Variants in PTPRN2 observed in about 807,000 individuals in gnomAD.
The protein encoded by PTPRN2 is protein tyrosine phosphatase receptor type N2.
Under a neutral mutation model 118.8 loss-of-function variants are expected in PTPRN2, and 74 were observed. The observed-to-expected ratio is 0.62, with a 90% confidence interval of 0.52 to 0.76. PTPRN2 has a LOEUF of 0.76. PTPRN2 is among the 30% of genes least tolerant of loss of function. PTPRN2 has a pLI of 0.00. For synonymous variants in PTPRN2, 641 were observed against 608.0 expected (o/e 1.05, Z -0.80); for missense variants, 1,481 against 1,394.4 (o/e 1.06, Z -0.99).
intron 12 of PTPRN2, among the ~76,000 whole-genome samples, chr7:157,822,096 A>G (rs373069157): frequency 6.6e-6 from 1 of 151,102 alleles, no homozygotes; most frequent in Non-Finnish European, 1.5e-5. Flanking sequence ...AATCACCCAT[A>G]CACTCATCCA....
chr7:158,296,341 G>A (rs574081778), intron 3 of PTPRN2, among the ~76,000 whole-genome samples: 9 of 152,128 alleles, frequency 5.9e-5, no homozygotes, highest in Non-Finnish European at 7.4e-5. Flanking sequence ...TGAGCGGCCC[G>A]ACTCCAGGGG....
chr7:157,613,939 C>T, intron 15 of PTPRN2: 1 of 450,862 alleles, frequency 2.2e-6, no homozygotes, highest in Non-Finnish European at 4.6e-6. Context: ...GCCACATGGC[C>T]AGGGGCGACC....
intron 12 of PTPRN2, among the ~76,000 whole-genome samples, chr7:157,746,076 CCA>C (rs1800912376): frequency 2.0e-5 from 3 of 150,412 alleles, no homozygotes; most frequent in Non-Finnish European, 4.4e-5. Flanking sequence ...TCCCTACACC[CCA>C]CAGTCCTCCC....
At chr7:158,493,879 G>A (rs898556975) in intron 1 of PTPRN2, among the ~76,000 whole-genome samples, 2 of 152,034 alleles carry the variant, frequency 1.3e-5, no homozygotes, top group Admixed American at 6.5e-5. Context: ...CTGCAGACAC[G>A]TACACATATG....
chr7:158,338,520 G>A (rs1586363239), intron 2 of PTPRN2, among the ~76,000 whole-genome samples: 3 of 100,180 alleles, frequency 3.0e-5, no homozygotes. Context: ...GATGCCTGCA[G>A]ACGTCACTCA....
intron 12 of PTPRN2, among the ~76,000 whole-genome samples, chr7:157,703,799 G>A (rs1798196817): frequency 6.6e-6 from 1 of 152,182 alleles, no homozygotes; most frequent in Non-Finnish European, 1.5e-5. Context: ...GGCAGGTCAG[G>A]AGGCCCGGAA....
chr7:158,499,119 C>A (rs1292904096), intron 1 of PTPRN2, among the ~76,000 whole-genome samples: 1 of 152,192 alleles, frequency 6.6e-6, no homozygotes, highest in Non-Finnish European at 1.5e-5. Flanking sequence ...AACAAAAAGA[C>A]CTTATCATCT....
chr7:157,838,717 G>A (rs866508281), intron 12 of PTPRN2, among the ~76,000 whole-genome samples: 4 of 250 alleles, frequency 0.016, no homozygotes, highest in African/African-American at 0.071. Flanking sequence ...GCTCCTCTCC[G>A]CCGTGGCTAC....
intron 12 of PTPRN2, among the ~76,000 whole-genome samples, chr7:157,758,935 C>G (rs1801973353): frequency 6.6e-6 from 1 of 152,244 alleles, no homozygotes; most frequent in South Asian, 2.1e-4. Context: ...CCAGCCACGT[C>G]AGGCCATTGC....
intron 11 of PTPRN2, among the ~76,000 whole-genome samples, chr7:158,071,441 GGAGGTGCTCGTGGTT>G (rs879845359): frequency 0.12 from 10,528 of 88,126 alleles, 440 homozygotes; most frequent in Non-Finnish European, 0.14. Context: ...TCGTGGTGGT[GGAGGTGCTCGTGGTT>G]GAGGTGCTCG....
chr7:158,568,880 C>T (rs940391878), intron 1 of PTPRN2, among the ~76,000 whole-genome samples: 3 of 152,122 alleles, frequency 2.0e-5, no homozygotes, highest in Admixed American at 2.0e-4. Flanking sequence ...AATCCCAACA[C>T]TTCAGGAGGC....
chr7:157,578,824 A>G (rs1800195668), intron 17 of PTPRN2, among the ~76,000 whole-genome samples: 1 of 152,262 alleles, frequency 6.6e-6, no homozygotes, highest in South Asian at 2.1e-4. Flanking sequence ...GTAAACCCAC[A>G]TCTTAACATT....
chr7:158,317,462 G>A (rs1201896000), intron 2 of PTPRN2, among the ~76,000 whole-genome samples: 1 of 152,244 alleles, frequency 6.6e-6, no homozygotes, highest in Non-Finnish European at 1.5e-5. Context: ...CTGGCGAACG[G>A]TGTGGGACTA....
chr7:158,233,139 T>C (rs1455611013), intron 3 of PTPRN2, among the ~76,000 whole-genome samples: 1 of 152,176 alleles, frequency 6.6e-6, no homozygotes, highest in Non-Finnish European at 1.5e-5. Context: ...CAAATTAGCC[T>C]TATTTGCAGA....
intron 11 of PTPRN2, among the ~76,000 whole-genome samples, chr7:157,993,699 C>T (rs2128848760): frequency 6.6e-6 from 1 of 152,270 alleles, no homozygotes; most frequent in South Asian, 2.1e-4. Context: ...GAGAGCCACC[C>T]CCAACCCAGC....
At chr7:157,733,399 T>TTC (rs1214116966) in intron 12 of PTPRN2, among the ~76,000 whole-genome samples, 1 of 80,724 alleles carries the variant, frequency 1.2e-5, no homozygotes, top group African/African-American at 6.3e-5. Context: ...CAGTTACCCT[T>TTC]CCACCCCATG....
chr7:157,636,405 A>G (rs949821108), intron 14 of PTPRN2, among the ~76,000 whole-genome samples: 2 of 152,230 alleles, frequency 1.3e-5, no homozygotes, highest in Non-Finnish European at 2.9e-5. Flanking sequence ...TGGTCTACAG[A>G]CAGTTAAAAA....
At chr7:157,781,917 G>A (rs1803703278) in intron 12 of PTPRN2, among the ~76,000 whole-genome samples, 1 of 152,224 alleles carries the variant, frequency 6.6e-6, no homozygotes, top group South Asian at 2.1e-4. Context: ...GATGTGAAAT[G>A]CCCACACAGC....
chr7:158,434,998 C>T (rs1438162562), intron 2 of PTPRN2, among the ~76,000 whole-genome samples: 1 of 152,244 alleles, frequency 6.6e-6, no homozygotes, highest in East Asian at 1.9e-4. Flanking sequence ...AACCTGTAAA[C>T]CGCCTAGAAG....
Sources: gnomAD v4.1 joint callset for allele counts (sites outside exome capture counted in the v4.1 genomes callset) on GRCh38, gnomAD v4.1.1 for gene constraint, MANE v1.5 for transcripts, NCBI Gene and HGNC (gene_info 2026-07-23, HGNC 2026-07-21) for gene names.